Variants in GPC6 observed in about 807,000 individuals in gnomAD.
GPC6 encodes the protein glypican 6.
Under a neutral mutation model 55.2 loss-of-function variants are expected in GPC6, and 14 were observed. The ratio of observed to expected loss-of-function variants is 0.25; its 90% CI spans 0.17 to 0.40. GPC6 has a LOEUF of 0.40. Among genes scored for constraint, GPC6 ranks in the 10% least tolerant of loss-of-function variants. The pLI, the probability that GPC6 is intolerant of heterozygous loss-of-function variation, is 1.00. For missense variants in GPC6, 641 were observed against 708.5 expected (o/e 0.90, Z 1.08); for synonymous variants, 278 against 259.6 (o/e 1.07, Z -0.68).
chr13:94,090,075 T>A (rs1218930068), intron 4 of GPC6, among the ~76,000 whole-genome samples: 4 of 7,178 alleles, frequency 5.6e-4, no homozygotes, highest in Non-Finnish European at 1.4e-3. Context: ...GACTGGGTAA[T>A]TTATAAAGAA....
intron 1 of GPC6, among the ~76,000 whole-genome samples, chr13:93,451,191 TGA>T: frequency 6.6e-6 from 1 of 152,342 alleles, no homozygotes; most frequent in Non-Finnish European, 1.5e-5. Flanking sequence ...AGCAAGGAAA[TGA>T]GTTTGTCTTT....
intron 3 of GPC6, among the ~76,000 whole-genome samples, chr13:93,938,786 G>A (rs1878571695): frequency 6.6e-6 from 1 of 152,144 alleles, no homozygotes; most frequent in Admixed American, 6.5e-5. Context: ...TTGCTGTTGA[G>A]TCCTAACCGA....
intron 4 of GPC6, among the ~76,000 whole-genome samples, chr13:94,155,671 TA>T (rs1887906426): frequency 6.6e-6 from 1 of 152,110 alleles, no homozygotes; most frequent in Non-Finnish European, 1.5e-5. Flanking sequence ...CATAAGAGGA[TA>T]ACTCTTCTGA....
intron 2 of GPC6, among the ~76,000 whole-genome samples, chr13:93,828,332 T>A (rs1293855057): frequency 2.6e-5 from 4 of 152,132 alleles, no homozygotes; most frequent in African/African-American, 7.2e-5. Flanking sequence ...GGTTTCCAGA[T>A]CGGAAGGTTT....
intron 1 of GPC6, among the ~76,000 whole-genome samples, chr13:93,393,086 T>G (rs1235123035): frequency 2.0e-5 from 3 of 146,920 alleles, no homozygotes; most frequent in African/African-American, 5.0e-5. Flanking sequence ...TATCTATATA[T>G]AGAGAAAAAT....
intron 4 of GPC6, among the ~76,000 whole-genome samples, chr13:94,269,433 T>A (rs1891922607): frequency 6.6e-6 from 1 of 152,164 alleles, no homozygotes; most frequent in Non-Finnish European, 1.5e-5. Context: ...TTATACCAAT[T>A]TTTCTTTGCT....
chr13:93,866,477 A>T (rs531651124), intron 3 of GPC6, among the ~76,000 whole-genome samples: 2 of 151,962 alleles, frequency 1.3e-5, no homozygotes, highest in Non-Finnish European at 2.9e-5. Flanking sequence ...CTAAATTCCC[A>T]TCAGTGATAG....
chr13:93,433,978 C>T (rs1341794090), intron 1 of GPC6, among the ~76,000 whole-genome samples: 1 of 152,134 alleles, frequency 6.6e-6, no homozygotes, highest in Non-Finnish European at 1.5e-5. Flanking sequence ...TGACCTTGGG[C>T]TAGTTCCTTT....
intron 2 of GPC6, among the ~76,000 whole-genome samples, chr13:93,651,389 G>C (rs911098824): frequency 7.2e-5 from 11 of 151,968 alleles, no homozygotes; most frequent in Non-Finnish European, 1.5e-4. Context: ...GAAGCTGTTT[G>C]AAGAAACAGC....
intron 3 of GPC6, among the ~76,000 whole-genome samples, chr13:94,004,724 A>C (rs1428461154): frequency 6.6e-6 from 1 of 152,130 alleles, no homozygotes; most frequent in African/African-American, 2.4e-5. Flanking sequence ...AATCAGACTT[A>C]AGATTTGTTA....
intron 4 of GPC6, among the ~76,000 whole-genome samples, chr13:94,103,467 C>A (rs191055787): frequency 2.3e-4 from 35 of 152,202 alleles, no homozygotes; most frequent in Admixed American, 1.3e-4. Context: ...GCCACACTGT[C>A]TTCCACAATA....
intron 4 of GPC6, among the ~76,000 whole-genome samples, chr13:94,111,428 A>G (rs1408325420): frequency 6.6e-6 from 1 of 151,124 alleles, no homozygotes; most frequent in East Asian, 1.9e-4. Context: ...TTACTATGTA[A>G]CAAACCTGCA....
At chr13:94,025,756 C>T (rs1372210971) in intron 3 of GPC6, among the ~76,000 whole-genome samples, 1 of 152,012 alleles carries the variant, frequency 6.6e-6, no homozygotes, top group South Asian at 2.1e-4. Flanking sequence ...GATAGGAAAC[C>T]CTTCTATGAA....
chr13:93,257,227 G>A (rs1876984964), intron 1 of GPC6, among the ~76,000 whole-genome samples: 1 of 152,046 alleles, frequency 6.6e-6, no homozygotes, highest in African/African-American at 2.4e-5. Flanking sequence ...TTGAGCACAG[G>A]TGGTGGCTGG....
At chr13:94,275,059 T>C (rs1403584933) in intron 4 of GPC6, among the ~76,000 whole-genome samples, 1 of 152,206 alleles carries the variant, frequency 6.6e-6, no homozygotes, top group Non-Finnish European at 1.5e-5. Flanking sequence ...TTATAAACTT[T>C]CTGGAAGAAA....
chr13:93,778,419 C>T (rs1479578538), intron 2 of GPC6, among the ~76,000 whole-genome samples: 1 of 152,184 alleles, frequency 6.6e-6, no homozygotes, highest in Non-Finnish European at 1.5e-5. Flanking sequence ...TGCAAATACA[C>T]TCACTAACTT....
chr13:94,231,817 A>G (rs1439779337), intron 4 of GPC6, among the ~76,000 whole-genome samples: 3 of 152,002 alleles, frequency 2.0e-5, no homozygotes, highest in Non-Finnish European at 4.4e-5. Context: ...TGACCTGGCT[A>G]TTAAAATGAA....
chr13:93,459,475 A>G (rs1878600135), intron 1 of GPC6, among the ~76,000 whole-genome samples: 1 of 152,216 alleles, frequency 6.6e-6, no homozygotes, highest in East Asian at 1.9e-4. Flanking sequence ...TTGTCATTGA[A>G]ATAATTATAA....
intron 1 of GPC6, among the ~76,000 whole-genome samples, chr13:93,356,051 A>G (rs2139170890): frequency 6.6e-6 from 1 of 152,238 alleles, no homozygotes; most frequent in African/African-American, 2.4e-5. Context: ...GAGGAGTTTA[A>G]TCCTGAACTT....
Sources: gnomAD v4.1 joint callset for allele counts (sites outside exome capture counted in the v4.1 genomes callset) on GRCh38, gnomAD v4.1.1 for gene constraint, MANE v1.5 for transcripts, NCBI Gene and HGNC (gene_info 2026-07-23, HGNC 2026-07-21) for gene names.